Variants in PPP1R14D observed in about 807,000 individuals in gnomAD.
PPP1R14D encodes the protein protein phosphatase 1 regulatory inhibitor subunit 14D, also known as protein phosphatase 1 regulatory subunit 14D.
A neutral mutation model predicts 17.1 loss-of-function variants in PPP1R14D; 14 were observed. The observed-to-expected ratio is 0.82, with a 90% CI of 0.54 to 1.28. The LOEUF (loss-of-function observed/expected upper bound fraction) is 1.28. PPP1R14D is among the 50% of genes most tolerant of loss of function. PPP1R14D has a pLI of 0.00. For synonymous variants in PPP1R14D, 67 were observed against 66.1 expected (o/e 1.01, Z -0.06); for missense variants, 173 against 179.2 (o/e 0.97, Z 0.20).
intron 1 of PPP1R14D, among the ~76,000 whole-genome samples, chr15:40,827,908 C>G (rs1342979292): frequency 6.6e-6 from 1 of 151,022 alleles, no homozygotes; most frequent in Non-Finnish European, 1.5e-5. Flanking sequence ...TGCAACAGGG[C>G]AAGACTTTGT....
Position 40,815,776 on chromosome 15 carries a change from GGA to G in PPP1R14D, c.373-17_373-16del. ...GAGATAAAAGCCTGAGGGAGAAACA[GGA>G]GTGAGACCAGGCTTGGGGTCACAAT... On this transcript the variant is annotated splice_polypyrimidine_tract_variant and intron_variant, in intron 3 of 3. Coordinates refer to ENST00000299174, the MANE Select transcript of PPP1R14D (RefSeq NM_017726.8). The G allele has an allele frequency of 1.3e-6, 2 of 1,598,830 alleles. No homozygotes were observed. The highest frequency in any genetic ancestry group is 1.7e-6 in the Non-Finnish European group (2 of 1,169,452).
At chr15:40,819,867 A>AT (rs66982849) in intron 1 of PPP1R14D, among the ~76,000 whole-genome samples, 1,508 of 137,510 alleles carry the variant, frequency 0.011, 9 homozygotes, top group South Asian at 0.016. Flanking sequence ...GTATATTGCT[A>AT]TTTTTTTTTT....
Position 40,826,803 on chromosome 15 carries a change from A to ATT in PPP1R14D, c.255+1583_255+1584insAA, listed in dbSNP as rs3837682. Among the ~76,000 whole-genome samples the ATT allele has an allele frequency of 1.3e-3, 201 of 152,330 alleles. 5 individuals carry two copies. The East Asian group carries it at 0.033, about 25-fold the overall frequency. On this transcript the variant is annotated intron_variant, in intron 1 of 3. Transcript: ENST00000299174. Reference sequence around the variant, plus strand: ...GGCAACATAGCAAGATCTCATCTCTATAAAAAAAGAAAAACAGTACTTGCT... The same window carrying ATT: ...GGCAACATAGCAAGATCTCATCTCTATTTAAAAAAAGAAAAACAGTACTTGCT...
In PPP1R14D at chr15:40,828,632, A is replaced by G. The variant is rs142506832; in HGVS notation, c.10T>C (p.Ser4Pro). Reference protein sequence around the residue: MLSSSPASCTSPSP... With the variant: MLSPSPASCTSPSP... ...GGAGATGTGCAGGAAGCAGGGCTTGAAGACAGCATGGAAGTATTGGTCTGG... is the reference window on the plus strand; with the variant it reads ...GGAGATGTGCAGGAAGCAGGGCTTGGAGACAGCATGGAAGTATTGGTCTGG... The change falls in exon 1 of 4, where the codon TCA (serine) becomes CCA (proline). Residue 4 changes from serine (S) to proline (P), a missense_variant. Physicochemically the swap from Ser to Pro is moderately conservative, Grantham distance 74. Coordinates refer to ENST00000299174, the MANE Select transcript of PPP1R14D (RefSeq NM_017726.8). 1.4e-4 allele frequency: 229 copies of G among 1,611,028 alleles called. 2 individuals carry two copies. The East Asian group carries it at 3.7e-3, about 26-fold the overall frequency.
chr15:40,824,701 G>C lies in PPP1R14D; in HGVS notation c.255+3686C>G, dbSNP rs907503236. On this transcript the variant is annotated intron_variant, in intron 1 of 3. Transcript: ENST00000299174. ...CTTTTTTTAAGTCAAAAGTTTAATAGAATTATTAAATTCTAATTAATAGAA... is the reference window on the plus strand; with the variant it reads ...CTTTTTTTAAGTCAAAAGTTTAATACAATTATTAAATTCTAATTAATAGAA... Among the ~76,000 whole-genome samples the C allele has an allele frequency of 3.9e-5, 6 of 151,970 alleles. 1 individual carries two copies. Among genetic ancestry groups the C allele is most frequent in the Non-Finnish European group, 1.5e-5 (1 of 67,994 alleles).
chr15:40,828,520 G>C lies in PPP1R14D; in HGVS notation c.122C>G (p.Ser41Cys). ...GGGTATCTTGGAGGAGTCCGGGTGG[G>C]ACTTGGACTCTGAGTCTGTGGATGA... is the stretch of plus-strand genomic sequence containing the variant. ...RTSSTDSESK[S>C]HPDSSKIPRS... The change falls in exon 1 of 4, where the codon TCC (serine) becomes TGC (cysteine). Residue 41 changes from serine (S) to cysteine (C), a missense_variant. Transcript: ENST00000299174. 6.2e-7 allele frequency: 1 copy of C among 1,614,206 alleles called. No individual in the cohort carries two copies. Among genetic ancestry groups the C allele is most frequent in the Admixed American group, 1.7e-5 (1 of 60,022 alleles).
At position 40,816,402 on chromosome 15, in the gene PPP1R14D, A is replaced by G; in HGVS notation, c.256-149T>C. ...ACACCCATTCAGTTTTCCATTCAAC[A>G]GTAATTTACTAAACATATACTATAT... On this transcript the variant is annotated intron_variant, in intron 1 of 3. Transcript: ENST00000299174. 7.3e-6 allele frequency: 5 copies of G among 685,682 alleles called. No homozygotes were observed. The South Asian group carries it at 8.7e-5, about 12-fold the overall frequency. The allele number at this position is 685,682 out of a possible 1,614,324, so 42.5% of individuals were successfully genotyped here. A position where few individuals can be genotyped will look rare whatever the true frequency, so the allele number is the denominator to read the frequency against.
Position 40,816,471 on chromosome 15 carries a change from G to A in PPP1R14D, c.256-218C>T, listed in dbSNP as rs377759664. On this transcript the variant is annotated intron_variant, in intron 1 of 3. Coordinates refer to ENST00000299174, the MANE Select transcript of PPP1R14D (RefSeq NM_017726.8). ...CTCATGCCTGTAATCCCAGCACTTC[G>A]GGAGGCCGAGGCAGGCAGATCACCT... is the stretch of plus-strand genomic sequence containing the variant. 7.9e-5 allele frequency among the ~76,000 whole-genome samples: 12 copies of A among 152,262 alleles called. No homozygotes were observed. In the East Asian group the frequency reaches 9.7e-4, roughly 12 times the overall value.
At chr15:40,819,779 A>G (rs540801860) in intron 1 of PPP1R14D, among the ~76,000 whole-genome samples, 1 of 152,234 alleles carries the variant, frequency 6.6e-6, no homozygotes, top group Admixed American at 6.5e-5. Flanking sequence ...TGATGGAAAT[A>G]GCTATTGTGC....
intron 1 of PPP1R14D, among the ~76,000 whole-genome samples, chr15:40,825,980 G>A (rs778521430): frequency 7.9e-5 from 12 of 152,288 alleles, no homozygotes; most frequent in African/African-American, 2.2e-4. Flanking sequence ...GATTTGCCCC[G>A]GAATGTCAGA....
intron 1 of PPP1R14D, among the ~76,000 whole-genome samples, chr15:40,826,024 A>G (rs976378385): frequency 1.3e-5 from 2 of 152,158 alleles, no homozygotes; most frequent in African/African-American, 4.8e-5. Flanking sequence ...ACAATAAACA[A>G]TCTGAAATTG....
rs1890917775 is a variant in PPP1R14D, at chr15:40,828,676, C to T, written c.-35G>A. 1 of 1,572,644 alleles carries T rather than the reference C, an allele frequency of 6.4e-7. No homozygotes were observed. ...GGTCTGGGCAAGGAGCTGGGAAAAA[C>T]CGCCAGTTCTGAGCAGAGCCACAGA... On this transcript the variant is annotated 5_prime_UTR_variant, in exon 1 of 4. Coordinates refer to ENST00000299174, the MANE Select transcript of PPP1R14D (RefSeq NM_017726.8).
chr15:40,820,227 C>T lies in PPP1R14D; in HGVS notation c.256-3974G>A, dbSNP rs191907775. ...AGGCTGGAGTGCAGTGGTGCGATCTCGGCTTACTGCAACCTCTGCCTCCCA... is the reference window on the plus strand; with the variant it reads ...AGGCTGGAGTGCAGTGGTGCGATCTTGGCTTACTGCAACCTCTGCCTCCCA... On this transcript the variant is annotated intron_variant, in intron 1 of 3. Transcript: ENST00000299174. 7.3e-3 allele frequency among the ~76,000 whole-genome samples: 1,099 copies of T among 151,244 alleles called. 6 individuals carry two copies. Among genetic ancestry groups the T allele is most frequent in the Non-Finnish European group, 0.011 (715 of 67,868 alleles).
intron 1 of PPP1R14D, among the ~76,000 whole-genome samples, chr15:40,818,309 A>C (rs998426630): frequency 4.0e-5 from 6 of 151,370 alleles, no homozygotes; most frequent in South Asian, 2.1e-4. Context: ...AAAAAAAAAA[A>C]AAACCACACA....
chr15:40,817,593 G>A (rs1459037981), intron 1 of PPP1R14D, among the ~76,000 whole-genome samples: 1 of 149,850 alleles, frequency 6.7e-6, no homozygotes, highest in Non-Finnish European at 1.5e-5. Context: ...ATAGTTTGGT[G>A]GTTTCTTACA....
chr15:40,815,580 C>A lies in PPP1R14D; in HGVS notation c.*116G>T, dbSNP rs565565640. 4.7e-6 allele frequency: 6 copies of A among 1,284,248 alleles called. No individual in the cohort carries two copies. The highest frequency in any genetic ancestry group is 2.5e-5 in the Admixed American group (1 of 40,386). 79.6% of individuals were successfully genotyped at this position (1,284,248 alleles called of 1,614,324 possible). A position where few individuals can be genotyped will look rare whatever the true frequency, so the allele number is the denominator to read the frequency against. On this transcript the variant is annotated 3_prime_UTR_variant, in exon 4 of 4. Transcript: ENST00000299174. Reference sequence around the variant, plus strand: ...CAGACAGTAGGAGTATGCAAATGTCCCTCCTTGTCCACATTTCTTGTTTGT... The same window carrying A: ...CAGACAGTAGGAGTATGCAAATGTCACTCCTTGTCCACATTTCTTGTTTGT...
intron 1 of PPP1R14D, among the ~76,000 whole-genome samples, chr15:40,821,444 A>G (rs1047957454): frequency 5.4e-5 from 8 of 148,804 alleles, no homozygotes; most frequent in East Asian, 1.9e-4. Flanking sequence ...CACTGTGGGG[A>G]AAAAAAAAAG....
intron 2 of PPP1R14D, 46 bp downstream of exon 2, chr15:40,816,124 T>C: frequency 6.2e-7 from 1 of 1,606,268 alleles, no homozygotes; most frequent in Non-Finnish European, 8.5e-7. Flanking sequence ...AACCTGGGTT[T>C]CTGGGTTCCC....
intron 1 of PPP1R14D, among the ~76,000 whole-genome samples, chr15:40,822,676 C>T (rs1318139842): frequency 6.6e-6 from 1 of 152,156 alleles, no homozygotes; most frequent in African/African-American, 2.4e-5. Context: ...TGGTCTCAAA[C>T]TCCCAACCTC....
Sources: allele counts gnomAD v4.1 joint callset (sites outside exome capture counted in the v4.1 genomes callset), GRCh38; gene constraint gnomAD v4.1.1; transcripts MANE v1.5; gene names NCBI Gene and HGNC (gene_info 2026-07-23, HGNC 2026-07-21).